The following UBN1 variants were observed in gnomAD, a reference collection of about 807,000 sequenced individuals.
The protein encoded by UBN1 is ubinuclein-1.
A neutral mutation model predicts 108.5 loss-of-function variants in UBN1; 17 were observed. That is an observed-to-expected ratio of 0.16 (90% confidence interval 0.11 to 0.24). The LOEUF is 0.24. Ranked by LOEUF, UBN1 falls within the 10% of genes least tolerant of loss-of-function variation. The probability of loss-of-function intolerance (pLI) is 1.00; values close to 1 mark genes in which losing one functional copy is unlikely to be tolerated. For missense variants in UBN1, 1,595 were observed against 1,394.4 expected, an observed-to-expected ratio of 1.14 and a Z score of -2.29; for synonymous variants, 726 against 564.2, an observed-to-expected ratio of 1.29 and a Z score of -4.07.
rs2087809982 is a variant in UBN1, at chr16:4,874,947, A to C, written c.2537A>C (p.Lys846Thr). ...CATCGTTCCCTCCTGCAGTTAGTGA[A>C]GACAGCGGCCAAAGGCCAGGGCTTC... ...QCHRSLLQLVKTAAKGQGFHP... is the reference protein window; with the variant it reads ...QCHRSLLQLVTTAAKGQGFHP... The change falls in exon 15 of 18, where the codon AAG (lysine) becomes ACG (threonine). Residue 846 changes from lysine to threonine, a missense_variant. By Grantham distance (78) the Lys-to-Thr change is moderately conservative (BLOSUM62 -1). This residue lies in a region of UBN1 where 1,398 missense variants were observed against 1,194.7 expected (regional missense o/e 1.17). Coordinates refer to ENST00000262376, the MANE Select transcript of UBN1 (RefSeq NM_001079514.3). The C allele has an allele frequency of 2.5e-6, 4 of 1,614,088 alleles. No individual in the cohort carries two copies. Among genetic ancestry groups the C allele is most frequent in the Non-Finnish European group, 2.5e-6 (3 of 1,180,050 alleles).
At chr16:4,872,353 T>C in intron 12 of UBN1, 8 of 985,298 alleles carry the variant, frequency 8.1e-6, no homozygotes, top group Non-Finnish European at 9.6e-6. Context: ...ATACATTTTC[T>C]TGGTAAAGGC....
At chr16:4,872,674 G>C (rs2087704462) in intron 12 of UBN1, among the ~76,000 whole-genome samples, 1 of 152,110 alleles carries the variant, frequency 6.6e-6, no homozygotes, top group Non-Finnish European at 1.5e-5. Context: ...TCACCATGTT[G>C]GCCAGGCTGG....
At chr16:4,856,113 T>C (rs1036706171) in intron 2 of UBN1, among the ~76,000 whole-genome samples, 1 of 152,216 alleles carries the variant, frequency 6.6e-6, no homozygotes, top group Non-Finnish European at 1.5e-5. Flanking sequence ...CTTCTTCCTT[T>C]AGAGGAAGAG....
chr16:4,857,631 T>TG (rs938074999), intron 2 of UBN1, among the ~76,000 whole-genome samples: 4 of 152,200 alleles, frequency 2.6e-5, no homozygotes, highest in Admixed American at 2.6e-4. Context: ...TTTCTTAGAA[T>TG]GTTTTTAAAT....
rs879458892 is a variant in UBN1 at position 4,880,405 on chromosome 16, C to T, written c.*273C>T. The T allele has an allele frequency of 1.9e-4, 81 of 432,284 alleles. No homozygotes were observed. Among genetic ancestry groups the T allele is most frequent in the Non-Finnish European group, 2.8e-4 (66 of 233,112 alleles). 26.8% of individuals were successfully genotyped at this position (432,284 alleles called of 1,614,324 possible). ...AGGGGCAGCTCTAGGCTGGGGCTTG[C>T]GCTGGGCCGTGGTGGGAGGCACAGT... On this transcript the variant is annotated 3_prime_UTR_variant, in exon 18 of 18. Transcript: ENST00000262376.
Position 4,870,827 on chromosome 16 carries a change from T to C in UBN1, c.1431-17T>C, listed in dbSNP as rs1230311082. 1 of 1,613,196 alleles carries C rather than the reference T, an allele frequency of 6.2e-7. No homozygotes were observed. Among genetic ancestry groups the C allele is most frequent in the African/African-American group, 1.3e-5 (1 of 74,822 alleles). ...AGGAGCACCTTGGGGCCCCATGTAA[T>C]TCTATTCACCCCGTAGGATGCTGGA... On this transcript the variant is annotated splice_polypyrimidine_tract_variant and intron_variant, in intron 10 of 17. Transcript: ENST00000262376.
intron 15 of UBN1, among the ~76,000 whole-genome samples, chr16:4,876,188 G>T (rs1432444008): frequency 6.6e-6 from 1 of 152,062 alleles, no homozygotes; most frequent in East Asian, 1.9e-4. Flanking sequence ...TCGATCTCCT[G>T]ACCTCGTGAT....
At position 4,881,723 on chromosome 16, in the gene UBN1, G is replaced by A. The variant is rs1713527105; in HGVS notation, c.*1591G>A. The A allele has an allele frequency of 6.6e-6, 1 of 152,270 alleles. No individual in the cohort carries two copies. 9.4% of individuals were successfully genotyped at this position (152,270 alleles called of 1,614,324 possible). On this transcript the variant is annotated 3_prime_UTR_variant, in exon 18 of 18. Transcript: ENST00000262376. Reference sequence around the variant, plus strand: ...CAATCCGTGTTTCACATTGGGCTAAGTGGATTCCTTATCCCTTTGTTATAT... The same window carrying A: ...CAATCCGTGTTTCACATTGGGCTAAATGGATTCCTTATCCCTTTGTTATAT...
In UBN1 at chr16:4,874,519, A is replaced by G. The variant is rs771129413; in HGVS notation, c.2109A>G (p.Ala703=). 2 of 1,614,258 alleles carry G rather than the reference A, an allele frequency of 1.2e-6. No homozygotes were observed. The highest frequency in any genetic ancestry group is 4.5e-5 in the East Asian group (2 of 44,884). ...TGCCTGCACCCTCAAAAGCACCTGCAGAAAAAGTTGGAGGCGTTTTATGTA... is the reference window on the plus strand; with the variant it reads ...TGCCTGCACCCTCAAAAGCACCTGCGGAAAAAGTTGGAGGCGTTTTATGTA... ...FTLPAPSKAP[A]EKVGGVLCTE... Residue 703 remains alanine, a synonymous_variant, in exon 15 of 18, where the codon GCA becomes GCG. Coordinates refer to ENST00000262376, the MANE Select transcript of UBN1 (RefSeq NM_001079514.3).
chr16:4,861,166 G>T, intron 7 of UBN1, 64 bp downstream of exon 7: 1 of 1,510,724 alleles, frequency 6.6e-7, no homozygotes, highest in Non-Finnish European at 8.9e-7. Context: ...TGTTGGTTCT[G>T]CACTGCGTGA....
chr16:4,858,996 G>A, intron 4 of UBN1, 29 bp from the exon 5 acceptor site: 1 of 1,609,174 alleles, frequency 6.2e-7, no homozygotes, highest in Non-Finnish European at 8.5e-7. Flanking sequence ...AGCAGAACTT[G>A]GAGCTGACAG....
At chr16:4,851,432 A>G (rs2086552014) in intron 1 of UBN1, among the ~76,000 whole-genome samples, 1 of 152,318 alleles carries the variant, frequency 6.6e-6, no homozygotes, top group South Asian at 2.1e-4. Context: ...CCTGGGCAAC[A>G]GAGTGAGACC....
chr16:4,869,212 A>T (rs867927497), intron 8 of UBN1, among the ~76,000 whole-genome samples: 3 of 152,140 alleles, frequency 2.0e-5, no homozygotes, highest in South Asian at 2.1e-4. Flanking sequence ...ATGAGGAGAG[A>T]GAGAAGGTGT....
intron 2 of UBN1, among the ~76,000 whole-genome samples, chr16:4,854,286 G>C (rs559363443): frequency 1.2e-4 from 18 of 151,580 alleles, no homozygotes; most frequent in African/African-American, 4.4e-4. Context: ...ACCCACCTTG[G>C]CCTCTCAAAG....
chr16:4,856,726 C>T lies in UBN1; in HGVS notation c.250-1264C>T, dbSNP rs59952182. On this transcript the variant is annotated intron_variant, in intron 2 of 17. Transcript: ENST00000262376. The stretch of plus-strand genomic sequence containing the variant: ...GTAGTATACATAGAATCCAGTGCTG[C>T]TCAAGGTTGGTGGGATTTCTTACAG... Among the ~76,000 whole-genome samples the T allele has an allele frequency of 2.4e-3, 359 of 152,304 alleles. 1 individual carries two copies. The highest frequency in any genetic ancestry group is 8.1e-3 in the African/African-American group (335 of 41,560).
chr16:4,851,097 G>A (rs1190048248), intron 1 of UBN1, among the ~76,000 whole-genome samples: 2 of 152,194 alleles, frequency 1.3e-5, no homozygotes, highest in African/African-American at 2.4e-5. Flanking sequence ...AGGAAGGAAG[G>A]ATTGTTTAGT....
chr16:4,868,900 T>C lies in UBN1; in HGVS notation c.1178T>C (p.Leu393Ser). Residue 393 changes from leucine to serine, a missense_variant, in exon 8 of 18, where the codon TTA becomes TCA. Physicochemically the swap from Leu to Ser is moderately radical, Grantham distance 145. Transcript: ENST00000262376. ...FFTQDINGIL[L>S]DIEAQTRELS... ...ACCCAGGATATTAATGGAATCCTAT[T>C]AGAGTGAGTATCGTCTGTCTGTCTG... is the stretch of plus-strand genomic sequence containing the variant. 1.2e-6 allele frequency: 2 copies of C among 1,613,884 alleles called. No homozygotes were observed. Among genetic ancestry groups the C allele is most frequent in the African/African-American group, 2.7e-5 (2 of 75,000 alleles).
At chr16:4,862,063 A>G (rs1036530829) in intron 7 of UBN1, among the ~76,000 whole-genome samples, 2 of 152,254 alleles carry the variant, frequency 1.3e-5, no homozygotes, top group Non-Finnish European at 2.9e-5. Context: ...ACTGTAAACT[A>G]GGCATGGATC....
In UBN1 at chr16:4,871,018, A is replaced by G. The variant is rs1214009709; in HGVS notation, c.1559+46A>G. ...GGCCTCTTTGGAGGGTTGGTGGGGC[A>G]GTGTCTGAGCACGTCCCCTATTGCT... is the stretch of plus-strand genomic sequence containing the variant. On this transcript the variant is annotated intron_variant, in intron 11 of 17. Transcript: ENST00000262376. The G allele has an allele frequency of 4.3e-6, 7 of 1,611,470 alleles. No individual in the cohort carries two copies. The Admixed American group carries it at 5.0e-5, about 12-fold the overall frequency.
Sources: allele counts gnomAD v4.1 joint callset (sites outside exome capture counted in the v4.1 genomes callset), GRCh38; gene constraint gnomAD v4.1.1; regional missense constraint gnomAD v4.1.1; transcripts MANE v1.5; gene names NCBI Gene and HGNC (gene_info 2026-07-23, HGNC 2026-07-21).